NAALADL2: variants seen among roughly 807,000 people sequenced by gnomAD.
NAALADL2 encodes the protein inactive N-acetylated-alpha-linked acidic dipeptidase-like protein 2.
A neutral mutation model predicts 87.2 loss-of-function variants in NAALADL2; 76 were observed. The ratio of observed to expected loss-of-function variants is 0.87; its 90% CI spans 0.72 to 1.05. The LOEUF is 1.05. Ranked by LOEUF, NAALADL2 falls within the 50% of genes least tolerant of loss-of-function variation. NAALADL2 has a pLI of 0.00. For synonymous variants in NAALADL2, 354 were observed against 331.0 expected (o/e 1.07, Z -0.75); for missense variants, 1,089 against 945.8 (o/e 1.15, Z -1.99).
intron 2 of NAALADL2, among the ~76,000 whole-genome samples, chr3:174,608,010 A>T (rs919518377): frequency 3.3e-5 from 5 of 152,186 alleles, no homozygotes; most frequent in African/African-American, 9.7e-5. Context: ...GGATTAAGAA[A>T]CTCACTCAAA....
intron 2 of NAALADL2, among the ~76,000 whole-genome samples, chr3:175,131,806 T>G (rs1413762947): frequency 2.2e-5 from 3 of 139,420 alleles, no homozygotes; most frequent in Admixed American, 7.0e-5. Flanking sequence ...ACGGGGGGCC[T>G]GGCCGGGCGG....
At chr3:174,658,447 CTTAT>C (rs1267185474) in intron 2 of NAALADL2, among the ~76,000 whole-genome samples, 1 of 152,006 alleles carries the variant, frequency 6.6e-6, no homozygotes, top group Admixed American at 6.6e-5. Context: ...AGGTTTTTGG[CTTAT>C]TTTTTAAATC....
chr3:175,192,897 A>T (rs932178184), intron 2 of NAALADL2, among the ~76,000 whole-genome samples: 12 of 151,672 alleles, frequency 7.9e-5, no homozygotes, highest in South Asian at 6.2e-4. Context: ...ACAATATGAT[A>T]AAAAAAACCC....
intron 9 of NAALADL2, among the ~76,000 whole-genome samples, chr3:175,515,582 G>T (rs1014183975): frequency 6.6e-6 from 1 of 151,760 alleles, no homozygotes; most frequent in African/African-American, 2.4e-5. Flanking sequence ...AAGCATACTG[G>T]ATAAATACAC....
At chr3:175,768,503 G>A (rs1327036993) in intron 13 of NAALADL2, among the ~76,000 whole-genome samples, 1 of 152,154 alleles carries the variant, frequency 6.6e-6, no homozygotes, top group Admixed American at 6.5e-5. Context: ...TTAAGGGATA[G>A]AACCTGTTTG....
intron 3 of NAALADL2, among the ~76,000 whole-genome samples, chr3:174,766,755 G>T (rs1578844981): frequency 6.6e-6 from 1 of 152,130 alleles, no homozygotes; most frequent in South Asian, 2.1e-4. Flanking sequence ...CTACCTTGGA[G>T]CAGGCATTAT....
intron 4 of NAALADL2, among the ~76,000 whole-genome samples, chr3:175,291,130 G>A (rs1032416009): frequency 8.6e-5 from 13 of 151,826 alleles, no homozygotes; most frequent in Non-Finnish European, 1.3e-4. Context: ...TATTTGGTTC[G>A]CCAATATGTA....
intron 2 of NAALADL2, among the ~76,000 whole-genome samples, chr3:174,737,462 A>T (rs1018418984): frequency 7.9e-5 from 12 of 152,368 alleles, no homozygotes; most frequent in African/African-American, 2.9e-4. Flanking sequence ...TATGCTTTAA[A>T]AATAAAAAGT....
intron 1 of NAALADL2, among the ~76,000 whole-genome samples, chr3:174,934,815 A>G (rs1737440773): frequency 6.6e-6 from 1 of 152,148 alleles, no homozygotes; most frequent in Non-Finnish European, 1.5e-5. Flanking sequence ...GTAATAAAAC[A>G]TAAAGTTTGA....
chr3:174,799,101 C>T (rs1211043462), intron 3 of NAALADL2, among the ~76,000 whole-genome samples: 1 of 149,934 alleles, frequency 6.7e-6, no homozygotes, highest in Non-Finnish European at 1.5e-5. Context: ...ACCTGGGAGG[C>T]GGAGGTTGCA....
At chr3:174,497,515 A>G (rs752195754) in intron 1 of NAALADL2, among the ~76,000 whole-genome samples, 3 of 152,018 alleles carry the variant, frequency 2.0e-5, no homozygotes, top group Non-Finnish European at 4.4e-5. Flanking sequence ...CCTTTATTGT[A>G]TTTCTTGCCC....
intron 2 of NAALADL2, among the ~76,000 whole-genome samples, chr3:175,229,800 C>G (rs1207506637): frequency 1.3e-5 from 2 of 151,886 alleles, no homozygotes; most frequent in African/African-American, 4.8e-5. Flanking sequence ...TCTTTAGTCT[C>G]AATGTAATTC....
Position 175,377,174 on chromosome 3 carries a change from C to T in NAALADL2, c.1090+52849C>T, listed in dbSNP as rs143940031. ...CTAATAATACAAAAATTAGTTGGGC[C>T]GGTGGTGCACACCTGTAATCCCAGC... is the stretch of plus-strand genomic sequence containing the variant. On this transcript the variant is annotated intron_variant, in intron 5 of 13. Transcript: ENST00000454872. Among the ~76,000 whole-genome samples, 495 of 151,906 alleles carry T rather than the reference C, an allele frequency of 3.3e-3. 3 individuals carry two copies. The highest frequency in any genetic ancestry group is 0.01 in the African/African-American group (421 of 41,434).
intron 4 of NAALADL2, among the ~76,000 whole-genome samples, chr3:175,259,964 G>T (rs1200322415): frequency 6.6e-6 from 1 of 151,906 alleles, no homozygotes; most frequent in Admixed American, 6.6e-5. Flanking sequence ...GGAGGTGGAG[G>T]TTGTAGTGAG....
intron 9 of NAALADL2, among the ~76,000 whole-genome samples, chr3:175,516,399 T>C (rs1200032236): frequency 6.6e-6 from 1 of 152,188 alleles, no homozygotes. Flanking sequence ...TTAAGTGTAT[T>C]GATATGTGTG....
chr3:174,900,693 A>G lies in NAALADL2; in HGVS notation c.43+41243A>G, dbSNP rs986875025. 3.3e-4 allele frequency among the ~76,000 whole-genome samples: 50 copies of G among 151,770 alleles called. 1 individual carries two copies. The highest frequency in any genetic ancestry group is 3.5e-3 in the Middle Eastern group (1 of 284). On this transcript the variant is annotated intron_variant, in intron 1 of 13. Transcript: ENST00000454872. ...TGTTCTCATATAAGTCAAACCTCAG[A>G]AAAAAAACATAAAAATAACTAAATT...
At chr3:174,623,949 T>C (rs1367593369) in intron 2 of NAALADL2, among the ~76,000 whole-genome samples, 1 of 152,198 alleles carries the variant, frequency 6.6e-6, no homozygotes, top group African/African-American at 2.4e-5. Flanking sequence ...GATTTAGTTG[T>C]ATATTTGGAT....
chr3:175,429,340 C>G (rs887315753), intron 5 of NAALADL2, among the ~76,000 whole-genome samples: 1 of 151,888 alleles, frequency 6.6e-6, no homozygotes, highest in Non-Finnish European at 1.5e-5. Context: ...ATGTTTCATG[C>G]TATAAATGCT....
chr3:175,565,960 G>T (rs1276864674), intron 9 of NAALADL2, among the ~76,000 whole-genome samples: 2 of 151,412 alleles, frequency 1.3e-5, no homozygotes, highest in African/African-American at 4.9e-5. Context: ...CTCCCGAGCA[G>T]CTGAGATTAC....
Sources: gnomAD v4.1 joint callset for allele counts (sites outside exome capture counted in the v4.1 genomes callset) on GRCh38, gnomAD v4.1.1 for gene constraint, MANE v1.5 for transcripts, NCBI Gene and HGNC (gene_info 2026-07-23, HGNC 2026-07-21) for gene names.